Variants in CD276 observed in about 807,000 individuals in gnomAD.
The protein encoded by CD276 is CD276 molecule.
A neutral mutation model predicts 50.0 loss-of-function variants in CD276; 34 were observed. That is an observed-to-expected ratio of 0.68 (90% CI 0.52 to 0.91). CD276 has a LOEUF of 0.91. CD276 is among the 40% of genes least tolerant of loss of function. The pLI is 0.00. For synonymous variants in CD276, 275 were observed against 313.0 expected, an observed-to-expected ratio of 0.88 and a Z score of 1.28; for missense variants, 634 against 717.5, an observed-to-expected ratio of 0.88 and a Z score of 1.33.
At chr15:73,703,337 G>A (rs1230208958) in intron 4 of CD276, among the ~76,000 whole-genome samples, 1 of 152,138 alleles carries the variant, frequency 6.6e-6, no homozygotes, top group Non-Finnish European at 1.5e-5. Flanking sequence ...CCACATCTGG[G>A]TCAGCAGAGG....
At chr15:73,709,945 T>C (rs531589420) in intron 8 of CD276, among the ~76,000 whole-genome samples, 1 of 152,320 alleles carries the variant, frequency 6.6e-6, no homozygotes, top group South Asian at 2.1e-4. Context: ...CGATTCCACC[T>C]GATTGGCCCC....
chr15:73,696,578 A>C lies in CD276; in HGVS notation c.-54-3008A>C, dbSNP rs1900187046. On this transcript the variant is annotated intron_variant, in intron 1 of 9. Transcript: ENST00000318443. The stretch of plus-strand genomic sequence containing the variant: ...ATGAAAGGGAGCAAGTCCAGGGCGC[A>C]GCCCTGGAAGTCCCTCATCTTCCCT... 2.0e-5 allele frequency among the ~76,000 whole-genome samples: 3 copies of C among 152,196 alleles called. No individual in the cohort carries two copies. The South Asian group carries it at 6.2e-4, about 32-fold the overall frequency.
intron 6 of CD276, among the ~76,000 whole-genome samples, chr15:73,705,445 C>T (rs541197236): frequency 2.3e-3 from 347 of 152,156 alleles, no homozygotes; most frequent in African/African-American, 7.8e-3. Context: ...AGCCAGGGCC[C>T]GTCACATCGT....
chr15:73,698,980 T>A (rs1249571882), intron 1 of CD276, among the ~76,000 whole-genome samples: 1 of 152,232 alleles, frequency 6.6e-6, no homozygotes, highest in Non-Finnish European at 1.5e-5. Context: ...TGCTCCCCAG[T>A]GATTCCCATT....
upstream of CD276, chr15:73,684,099 T>G (rs1446804939): frequency 6.6e-6 from 1 of 151,016 alleles, no homozygotes; most frequent in African/African-American, 2.4e-5. Flanking sequence ...AAAGGAAGAT[T>G]CGGCTCTTGG....
At chr15:73,707,742 C>G (rs1900704088) in intron 6 of CD276, among the ~76,000 whole-genome samples, 1 of 152,186 alleles carries the variant, frequency 6.6e-6, no homozygotes, top group African/African-American at 2.4e-5. Flanking sequence ...TGTACAAAAA[C>G]AGGCCACAAG....
In CD276 at chr15:73,704,563, C is replaced by T; in HGVS notation, c.1369+91C>T. 1 of 1,474,752 alleles carries T rather than the reference C, an allele frequency of 6.8e-7. No homozygotes were observed. Among genetic ancestry groups the T allele is most frequent in the Non-Finnish European group, 9.1e-7 (1 of 1,102,990 alleles). The allele number at this position is 1,474,752 out of a possible 1,614,324, so 91.4% of individuals were successfully genotyped here. A position where few individuals can be genotyped will look rare whatever the true frequency, so the allele number is the denominator to read the frequency against. On this transcript the variant is annotated intron_variant, in intron 6 of 9. Transcript: ENST00000318443. The surrounding 1 kb of genome is among the most constrained non-coding windows in gnomAD (Gnocchi z 4.1). ...TGGAATTTCCATAGGTTTGGGTGGC[C>T]AGAAGACTTTCAAAATCCCTTTCAT...
intron 4 of CD276, among the ~76,000 whole-genome samples, chr15:73,703,399 G>A (rs1406716790): frequency 6.6e-6 from 1 of 152,124 alleles, no homozygotes; most frequent in East Asian, 1.9e-4. Context: ...GGCTGGAGCT[G>A]GTGAGAGTCA....
At chr15:73,711,419 G>T (rs1174605028) in intron 9 of CD276, 3 of 493,460 alleles carry the variant, frequency 6.1e-6, no homozygotes, top group African/African-American at 5.9e-5. Context: ...GTGATAGTGT[G>T]AGCATAGGTA....
intron 2 of CD276, among the ~76,000 whole-genome samples, chr15:73,701,023 C>G (rs1401220351): frequency 1.3e-5 from 2 of 150,410 alleles, no homozygotes; most frequent in African/African-American, 4.9e-5. Context: ...CCTGCCTCAG[C>G]CTCCTGAGTA....
Position 73,708,417 on chromosome 15 carries a change from C to T in CD276, c.1448C>T (p.Ala483Val). The T allele has an allele frequency of 1.2e-6, 2 of 1,614,108 alleles. No individual in the cohort carries two copies. Among genetic ancestry groups the T allele is most frequent in the Non-Finnish European group, 8.5e-7 (1 of 1,179,998 alleles). The stretch of plus-strand genomic sequence containing the variant: ...GTCTGTCTCATTGCACTGCTGGTGG[C>T]CCTGGCTTTCGTGTGCTGGAGAAAG... ...LSVCLIALLV[A>V]LAFVCWRKIK... The change falls in exon 7 of 10, where the codon GCC becomes GTC. Residue 483 changes from alanine (A) to valine (V), a missense_variant. Coordinates refer to ENST00000318443, the MANE Select transcript of CD276 (RefSeq NM_001024736.2).
rs1900988999 is a variant in CD276, at chr15:73,713,370, A to G, written c.*414A>G. The stretch of plus-strand genomic sequence containing the variant: ...GACTGACCCCCTGCCTTATTTCACC[A>G]AAGACACGATGCATAGTCACCCCGG... On this transcript the variant is annotated 3_prime_UTR_variant, in exon 10 of 10. Transcript: ENST00000318443. 3.8e-6 allele frequency: 1 copy of G among 264,866 alleles called. No homozygotes were observed. Among genetic ancestry groups the G allele is most frequent in the Non-Finnish European group, 7.2e-6 (1 of 138,358 alleles). The allele number at this position is 264,866 out of a possible 1,614,324, so 16.4% of individuals were successfully genotyped here.
intron 9 of CD276, among the ~76,000 whole-genome samples, chr15:73,712,622 G>T (rs1325894195): frequency 1.3e-5 from 2 of 152,254 alleles, no homozygotes; most frequent in South Asian, 4.1e-4. Flanking sequence ...AACAGGAGAT[G>T]AGAAGGGAAA....
At position 73,709,700 on chromosome 15, in the gene CD276, A is replaced by G; in HGVS notation, c.1546+11A>G. ...AAGGCTCCAAGACAGGTGAGTCTGA[A>G]CTTGGAGCTGGCCCTCTTGGCTGGG... is the stretch of plus-strand genomic sequence containing the variant. On this transcript the variant is annotated intron_variant, in intron 8 of 9. Transcript: ENST00000318443. 1 of 1,610,424 alleles carries G rather than the reference A, an allele frequency of 6.2e-7. No individual in the cohort carries two copies. The highest frequency in any genetic ancestry group is 8.5e-7 in the Non-Finnish European group (1 of 1,178,700).
At chr15:73,684,321 A>AGGCGGATTCTCC (rs1899646297), upstream of CD276, 2 of 151,702 alleles carry the variant, frequency 1.3e-5, no homozygotes, top group African/African-American at 4.8e-5. Flanking sequence ...TCCGGGCCTC[A>AGGCGGATTCTCC]GGCGGATTCT....
In CD276 at chr15:73,709,650, G is replaced by A; in HGVS notation, c.1507G>A (p.Ala503Thr). 1 of 1,613,134 alleles carries A rather than the reference G, an allele frequency of 6.2e-7. No homozygotes were observed. The highest frequency in any genetic ancestry group is 1.1e-5 in the South Asian group (1 of 90,894). The change falls in exon 8 of 10, where the codon GCT becomes ACT. Residue 503 changes from alanine to threonine, a missense_variant and splice_region_variant. Coordinates refer to ENST00000318443, the MANE Select transcript of CD276 (RefSeq NM_001024736.2). ...KQSCEEENAG[A>T]EDQDGEGEGS... ...ATTCTGAGTTCTTGCCTTTGCAGGA[G>A]CTGAGGACCAGGATGGGGAGGGAGA...
Position 73,708,438 on chromosome 15 carries a change from G to A in CD276, c.1469G>A (p.Arg490Lys). Residue 490 changes from arginine (R) to lysine (K), a missense_variant, in exon 7 of 10, where the codon AGA becomes AAA. Physicochemically the swap from Arg to Lys is conservative, Grantham distance 26. Coordinates refer to ENST00000318443, the MANE Select transcript of CD276 (RefSeq NM_001024736.2). ...GTGGCCCTGGCTTTCGTGTGCTGGAGAAAGATCAAACAGAGCTGTGAGGAG... is the reference window on the plus strand; with the variant it reads ...GTGGCCCTGGCTTTCGTGTGCTGGAAAAAGATCAAACAGAGCTGTGAGGAG... ...LLVALAFVCWRKIKQSCEEEN... is the reference protein window; with the variant it reads ...LLVALAFVCWKKIKQSCEEEN... 6.2e-7 allele frequency: 1 copy of A among 1,613,964 alleles called. No individual in the cohort carries two copies. Among genetic ancestry groups the A allele is most frequent in the Non-Finnish European group, 8.5e-7 (1 of 1,179,954 alleles).
intron 8 of CD276, among the ~76,000 whole-genome samples, chr15:73,710,607 A>C (rs971573952): frequency 1.2e-4 from 19 of 152,238 alleles, no homozygotes; most frequent in African/African-American, 4.6e-4. Flanking sequence ...ACTGCTATAA[A>C]TTATGCCAAT....
chr15:73,710,483 G>A (rs577511919), intron 8 of CD276, among the ~76,000 whole-genome samples: 1 of 152,324 alleles, frequency 6.6e-6, no homozygotes, highest in East Asian at 1.9e-4. Flanking sequence ...CGACTCCCAG[G>A]GGATCCTGGG....
Sources: gnomAD v4.1 joint callset for allele counts (sites outside exome capture counted in the v4.1 genomes callset) on GRCh38, gnomAD v4.1.1 for gene constraint, Gnocchi (gnomAD v3.1) non-coding constraint, MANE v1.5 for transcripts, NCBI Gene and HGNC (gene_info 2026-07-23, HGNC 2026-07-21) for gene names.